The following ZNF808 variants were observed in gnomAD, a reference collection of about 807,000 sequenced individuals.
ZNF808 encodes zinc finger protein 808.
In ZNF808, 5 loss-of-function variants were observed where a neutral mutation model predicts 8.7. The ratio of observed to expected loss-of-function variants is 0.58; its 90% CI spans 0.30 to 1.21. ZNF808 has a LOEUF of 1.21. Ranked by LOEUF, ZNF808 falls within the 50% of genes most tolerant of loss-of-function variation. The pLI is 0.07. For synonymous variants in ZNF808, 380 were observed against 366.0 expected (o/e 1.04, Z -0.44); for missense variants, 1,103 against 1,098.4 (o/e 1.00, Z -0.06).
intron 3 of ZNF808, among the ~76,000 whole-genome samples, chr19:52,561,472 T>A (rs776277199): frequency 1.9e-4 from 29 of 152,040 alleles, no homozygotes; most frequent in Non-Finnish European, 2.6e-4. Context: ...ACTTAGCGTA[T>A]GTGCAAATTG....
chr19:52,543,042 C>G (rs930620878), intron 2 of ZNF808, among the ~76,000 whole-genome samples: 1 of 151,944 alleles, frequency 6.6e-6, no homozygotes, highest in Non-Finnish European at 1.5e-5. Context: ...CCTGCTGCCT[C>G]GTGTGTGGCG....
intron 4 of ZNF808, among the ~76,000 whole-genome samples, chr19:52,551,691 C>A (rs1158599766): frequency 6.6e-6 from 1 of 152,020 alleles, no homozygotes; most frequent in Non-Finnish European, 1.5e-5. Flanking sequence ...ATATAACTGA[C>A]ACACTGCACT....
downstream of ZNF808, among the ~76,000 whole-genome samples, chr19:52,565,484 G>A (rs775845881): frequency 4.6e-5 from 7 of 152,086 alleles, no homozygotes; most frequent in Non-Finnish European, 1.5e-5. Context: ...TGGGCCTCAA[G>A]ATCTCCACCC....
intron 2 of ZNF808, among the ~76,000 whole-genome samples, chr19:52,541,484 A>G (rs2059670203): frequency 1.3e-5 from 2 of 152,020 alleles, no homozygotes; most frequent in South Asian, 4.1e-4. Context: ...GCATCTCAGA[A>G]TAACTTGGTG....
intron 4 of ZNF808, among the ~76,000 whole-genome samples, chr19:52,551,727 G>T (rs1214580647): frequency 6.6e-6 from 1 of 152,106 alleles, no homozygotes; most frequent in Admixed American, 6.6e-5. Flanking sequence ...GTGCCACCAG[G>T]TGCAGTGGCT....
In ZNF808 at chr19:52,554,670, A is replaced by C. The variant is rs1392187874; in HGVS notation, c.1754A>C (p.His585Pro). 1.2e-6 allele frequency: 2 copies of C among 1,614,136 alleles called. No individual in the cohort carries two copies. The highest frequency in any genetic ancestry group is 1.7e-6 in the Non-Finnish European group (2 of 1,180,012). ...AATCAACAATCACATCTTTCACGTC[A>C]TCGTAGACTTCATACTGGAGAGAAA... ...AFNQQSHLSR[H>P]RRLHTGEKPY... The change falls in exon 5 of 5, where the codon CAT becomes CCT. Residue 585 changes from histidine (H) to proline (P), a missense_variant. His to Pro is a moderately conservative substitution (Grantham distance 77). Transcript: ENST00000359798.
intron 2 of ZNF808, among the ~76,000 whole-genome samples, chr19:52,539,184 A>ATTTTTTTTTTTTTTTT (rs3049209): frequency 1.7e-5 from 2 of 117,754 alleles, no homozygotes; most frequent in Non-Finnish European, 3.5e-5. Flanking sequence ...TCTTCATTTC[A>ATTTTTTTTTTTTTTTT]TTTTTTTTTT....
Position 52,553,576 on chromosome 19 carries a change from A to G in ZNF808, c.660A>G (p.Gln220=). 6 of 1,614,164 alleles carry G rather than the reference A, an allele frequency of 3.7e-6. No homozygotes were observed. The highest frequency in any genetic ancestry group is 5.1e-6 in the Non-Finnish European group (6 of 1,180,022). The part of the protein sequence containing the change: ...NNPLNSSLLP[Q]KQEVHMREKS... ...CCCTGAATTCTTCATTACTCCCACAAAAACAGGAAGTACACATGAGAGAAA... is the reference window on the plus strand; with the variant it reads ...CCCTGAATTCTTCATTACTCCCACAGAAACAGGAAGTACACATGAGAGAAA... The change falls in exon 5 of 5, where the codon CAA becomes CAG. Residue 220 remains glutamine (Q), a synonymous_variant. Transcript: ENST00000359798.
chr19:52,567,443 C>T (rs958492212), downstream of ZNF808, among the ~76,000 whole-genome samples: 7 of 145,650 alleles, frequency 4.8e-5, no homozygotes, highest in African/African-American at 1.3e-4. Flanking sequence ...TTTTTTAAGA[C>T]GGAGTCTCGC....
chr19:52,528,284 G>A (rs989246229), intron 1 of ZNF808, among the ~76,000 whole-genome samples: 4 of 152,134 alleles, frequency 2.6e-5, no homozygotes, highest in Non-Finnish European at 5.9e-5. Context: ...GTGACATGGG[G>A]TCTTCTTGCC....
chr19:52,546,478 C>T (rs1391700596), intron 3 of ZNF808, among the ~76,000 whole-genome samples: 1 of 151,948 alleles, frequency 6.6e-6, no homozygotes, highest in African/African-American at 2.4e-5. Context: ...AGCCACTGTG[C>T]CTGACCGATC....
chr19:52,543,240 G>A, intron 2 of ZNF808, 26 bp from the exon 3 acceptor site: 1 of 1,608,350 alleles, frequency 6.2e-7, no homozygotes, highest in Non-Finnish European at 8.5e-7. Context: ...TTTCTAACAT[G>A]AAGTCTTATT....
chr19:52,528,970 G>A (rs1002417350), intron 1 of ZNF808, among the ~76,000 whole-genome samples: 1 of 151,620 alleles, frequency 6.6e-6, no homozygotes, highest in African/African-American at 2.4e-5. Context: ...GAAGAGAAGA[G>A]GGGTACAAAA....
At chr19:52,562,784 T>G (rs894663950) in intron 3 of ZNF808, among the ~76,000 whole-genome samples, 2 of 152,158 alleles carry the variant, frequency 1.3e-5, no homozygotes, top group Non-Finnish European at 2.9e-5. Flanking sequence ...CAATTCTTTT[T>G]TTTTTTGGAG....
chr19:52,538,037 G>T (rs923584009), intron 2 of ZNF808, among the ~76,000 whole-genome samples: 3 of 151,892 alleles, frequency 2.0e-5, no homozygotes, highest in African/African-American at 7.3e-5. Context: ...TTTGAGATAG[G>T]GTCTGGCTCT....
At chr19:52,543,442 G>T in intron 3 of ZNF808, 95 bp downstream of exon 3, 1 of 1,500,666 alleles carries the variant, frequency 6.7e-7, no homozygotes, top group Admixed American at 2.0e-5. Flanking sequence ...GTAGCAGCCA[G>T]TCTTTTCTGA....
downstream of ZNF808, among the ~76,000 whole-genome samples, chr19:52,567,679 C>T (rs2146971870): frequency 6.6e-6 from 1 of 151,678 alleles, no homozygotes; most frequent in South Asian, 2.1e-4. Flanking sequence ...CTCATGCCAC[C>T]ACTCCAGGCT....
chr19:52,529,798 G>T (rs1335719259), intron 1 of ZNF808, among the ~76,000 whole-genome samples: 1 of 151,834 alleles, frequency 6.6e-6, no homozygotes, highest in Non-Finnish European at 1.5e-5. Flanking sequence ...TCCTCTAACT[G>T]TAGCCTCTAC....
intron 1 of ZNF808, among the ~76,000 whole-genome samples, chr19:52,531,485 ATAAAT>A (rs1167585744): frequency 2.0e-5 from 3 of 152,008 alleles, no homozygotes; most frequent in East Asian, 3.9e-4. Context: ...CAATAAATAA[ATAAAT>A]TAATTAATTA....
Sources: allele counts gnomAD v4.1 joint callset (sites outside exome capture counted in the v4.1 genomes callset), GRCh38; gene constraint gnomAD v4.1.1; transcripts MANE v1.5; gene names NCBI Gene and HGNC (gene_info 2026-07-23, HGNC 2026-07-21).